Variants in NTNG1 observed in about 807,000 individuals in gnomAD.
NTNG1 encodes netrin-G1.
A neutral mutation model predicts 54.0 loss-of-function variants in NTNG1; 16 were observed. The observed-to-expected ratio is 0.30, with a 90% CI of 0.20 to 0.45. The LOEUF is 0.45. NTNG1 is among the 20% of genes least tolerant of loss of function. The pLI is 1.00. For missense variants in NTNG1, 530 were observed against 678.7 expected (o/e 0.78, Z 2.43); for synonymous variants, 255 against 263.1 (o/e 0.97, Z 0.30).
chr1:107,347,715 C>G (rs111938120), intron 3 of NTNG1, among the ~76,000 whole-genome samples: 19 of 152,044 alleles, frequency 1.2e-4, no homozygotes, highest in African/African-American at 4.6e-4. Flanking sequence ...GAGATTTAAT[C>G]GACTCACAGT....
In NTNG1 at chr1:107,293,664, G is replaced by A. The variant is rs113604814; in HGVS notation, c.247-30618G>A. Among the ~76,000 whole-genome samples the A allele has an allele frequency of 7.0e-3, 1,059 of 152,200 alleles. 13 individuals carry two copies. Among genetic ancestry groups the A allele is most frequent in the African/African-American group, 0.024 (1,009 of 41,510 alleles). On this transcript the variant is annotated intron_variant, in intron 2 of 7. Transcript: ENST00000370068. ...TCTAATTTCTTAATATATAAAGTGGGGGTATAATTGTTCAATGCTTATAGG... is the reference window on the plus strand; with the variant it reads ...TCTAATTTCTTAATATATAAAGTGGAGGTATAATTGTTCAATGCTTATAGG...
chr1:107,334,076 C>A (rs1192497343), intron 3 of NTNG1: 1 of 151,798 alleles, frequency 6.6e-6, no homozygotes, highest in African/African-American at 2.4e-5. Flanking sequence ...ATGTAAGTGC[C>A]TCAAACTCTA....
intron 2 of NTNG1, among the ~76,000 whole-genome samples, chr1:107,247,759 C>G (rs1169406205): frequency 2.7e-5 from 4 of 148,690 alleles, no homozygotes; most frequent in African/African-American, 7.9e-5. Context: ...AACAAAAAAC[C>G]AATATCAATG....
At chr1:107,222,570 C>T (rs1660414161) in intron 2 of NTNG1, among the ~76,000 whole-genome samples, 1 of 152,090 alleles carries the variant, frequency 6.6e-6, no homozygotes, top group Admixed American at 6.6e-5. Context: ...CACAATTGGA[C>T]CCCTTGGAGT....
chr1:107,476,957 G>A (rs557638475), intron 7 of NTNG1, among the ~76,000 whole-genome samples: 1 of 152,336 alleles, frequency 6.6e-6, no homozygotes, highest in East Asian at 1.9e-4. Context: ...TCAACAGAGA[G>A]AATTTATTAA....
At chr1:107,162,160 T>C (rs7548062) in intron 2 of NTNG1, among the ~76,000 whole-genome samples, 37,670 of 151,974 alleles carry the variant, frequency 0.25, 4,922 homozygotes, top group South Asian at 0.31. Context: ...GAAATATCCT[T>C]GCACCAAACT....
At chr1:107,465,782 C>T (rs139565179) in intron 7 of NTNG1, among the ~76,000 whole-genome samples, 96 of 152,192 alleles carry the variant, frequency 6.3e-4, no homozygotes, top group African/African-American at 2.1e-3. Context: ...GCTGCTCAGT[C>T]GCCAGGAGGA....
intron 5 of NTNG1, among the ~76,000 whole-genome samples, chr1:107,419,092 T>G (rs550881521): frequency 6.6e-6 from 1 of 152,102 alleles, no homozygotes; most frequent in South Asian, 2.1e-4. Context: ...TCGCTGACTA[T>G]TGCTCCATAT....
intron 1 of NTNG1, among the ~76,000 whole-genome samples, chr1:107,144,031 C>T (rs1653932280): frequency 6.6e-6 from 1 of 152,064 alleles, no homozygotes. Flanking sequence ...TGTTGCAGTA[C>T]ATATTAAATT....
intron 5 of NTNG1, among the ~76,000 whole-genome samples, chr1:107,428,731 TTCAAACTC>T (rs1279606793): frequency 6.6e-6 from 1 of 152,074 alleles, no homozygotes; most frequent in East Asian, 1.9e-4. Context: ...TTGTCTTTAT[TTCAAACTC>T]TCAAACATAG....
At chr1:107,155,948 T>C (rs1158705420) in intron 2 of NTNG1, among the ~76,000 whole-genome samples, 1 of 152,192 alleles carries the variant, frequency 6.6e-6, no homozygotes, top group East Asian at 1.9e-4. Flanking sequence ...GTATTCAGTA[T>C]AGTGACATGC....
chr1:107,290,605 C>A (rs894378448), intron 2 of NTNG1, among the ~76,000 whole-genome samples: 2 of 151,938 alleles, frequency 1.3e-5, no homozygotes, highest in Non-Finnish European at 2.9e-5. Flanking sequence ...CAGGCACAAT[C>A]CTTATACACA....
At chr1:107,458,988 T>C (rs545292787) in intron 7 of NTNG1, among the ~76,000 whole-genome samples, 97 of 152,334 alleles carry the variant, frequency 6.4e-4, no homozygotes, top group Middle Eastern at 3.4e-3. Context: ...TTGAACTTTC[T>C]AAATGCTGTT....
intron 7 of NTNG1, among the ~76,000 whole-genome samples, chr1:107,473,278 T>G (rs1212784744): frequency 1.3e-5 from 2 of 152,180 alleles, no homozygotes; most frequent in Non-Finnish European, 1.5e-5. Flanking sequence ...ACTGACAGCA[T>G]GAACCTAAAT....
chr1:107,448,978 T>C (rs754733131), intron 7 of NTNG1, among the ~76,000 whole-genome samples: 7 of 152,120 alleles, frequency 4.6e-5, no homozygotes, highest in Non-Finnish European at 1.0e-4. Flanking sequence ...GATAAACTTC[T>C]ATTGGGCACA....
chr1:107,165,313 A>C (rs1468073915), intron 2 of NTNG1, among the ~76,000 whole-genome samples: 2 of 152,178 alleles, frequency 1.3e-5, no homozygotes, highest in Non-Finnish European at 2.9e-5. Context: ...AGAAACTTGG[A>C]ATTCACTATA....
chr1:107,413,380 A>G (rs1673972520), intron 5 of NTNG1, among the ~76,000 whole-genome samples: 1 of 151,886 alleles, frequency 6.6e-6, no homozygotes, highest in Non-Finnish European at 1.5e-5. Context: ...ATTAGCCAGG[A>G]TGGTCCTGTG....
chr1:107,234,049 A>T (rs1661240239), intron 2 of NTNG1, among the ~76,000 whole-genome samples: 1 of 152,072 alleles, frequency 6.6e-6, no homozygotes. Flanking sequence ...TTACCTTTAT[A>T]TGGGATAAAA....
chr1:107,205,819 C>T (rs896056500), intron 2 of NTNG1, among the ~76,000 whole-genome samples: 2 of 152,092 alleles, frequency 1.3e-5, no homozygotes, highest in South Asian at 2.1e-4. Context: ...TACTAATTGC[C>T]CCCACTCCCA....
Sources: allele counts gnomAD v4.1 joint callset (sites outside exome capture counted in the v4.1 genomes callset), GRCh38; gene constraint gnomAD v4.1.1; transcripts MANE v1.5; gene names NCBI Gene and HGNC (gene_info 2026-07-23, HGNC 2026-07-21).